Variants in ME1 observed in about 807,000 individuals in gnomAD.
ME1 encodes malic enzyme 1, also known as NADP-dependent malic enzyme.
ME1 carries 74 observed loss-of-function variants against 66.4 expected under a neutral mutation model. The observed-to-expected ratio is 1.11, with a 90% CI of 0.92 to 1.35. The LOEUF is 1.35. Among genes scored for constraint, ME1 ranks in the 40% most tolerant of loss-of-function variants. The pLI is 0.00. For synonymous variants in ME1, 251 were observed against 235.6 expected, an observed-to-expected ratio of 1.07 and a Z score of -0.60; for missense variants, 750 against 694.1, an observed-to-expected ratio of 1.08 and a Z score of -0.90.
chr6:83,265,062 T>C (rs1766964918), intron 6 of ME1, among the ~76,000 whole-genome samples: 1 of 152,102 alleles, frequency 6.6e-6, no homozygotes, highest in African/African-American at 2.4e-5. Flanking sequence ...TTTTCAGAAA[T>C]TACCACCTCA....
intron 11 of ME1, among the ~76,000 whole-genome samples, 181 bp from the exon 12 acceptor site, chr6:83,224,114 G>A (rs1025475974): frequency 6.6e-6 from 1 of 152,116 alleles, no homozygotes; most frequent in Non-Finnish European, 1.5e-5. Context: ...GTTCTGGAAT[G>A]GGTGATTATT....
intron 5 of ME1, 54 bp from the exon 6 acceptor site, chr6:83,315,467 T>C (rs1768014247): frequency 9.7e-7 from 1 of 1,035,792 alleles, no homozygotes; most frequent in Admixed American, 2.1e-5. Context: ...AATCATTTAT[T>C]GAGCCTCAGT....
At chr6:83,418,309 A>G (rs1770200159) in intron 1 of ME1, among the ~76,000 whole-genome samples, 1 of 152,218 alleles carries the variant, frequency 6.6e-6, no homozygotes, top group Admixed American at 6.5e-5. Context: ...GAGACCCAAG[A>G]GAGCCAATGG....
chr6:83,394,591 A>T (rs558065191), intron 3 of ME1, among the ~76,000 whole-genome samples: 1 of 152,342 alleles, frequency 6.6e-6, no homozygotes, highest in Admixed American at 6.5e-5. Context: ...ATATCAATAC[A>T]GCTACATGGA....
intron 6 of ME1, among the ~76,000 whole-genome samples, chr6:83,305,045 A>T (rs554017654): frequency 8.6e-4 from 131 of 152,306 alleles, no homozygotes; most frequent in African/African-American, 3.0e-3. Context: ...TTTCCATATA[A>T]AAATGATGCT....
Position 83,252,035 on chromosome 6 carries a change from G to T in ME1, c.814+1594C>A, listed in dbSNP as rs188377384. Among the ~76,000 whole-genome samples the T allele has an allele frequency of 6.7e-4, 102 of 152,256 alleles. 1 individual carries two copies. The highest frequency in any genetic ancestry group is 2.2e-3 in the African/African-American group (92 of 41,552). On this transcript the variant is annotated intron_variant, in intron 7 of 13. Transcript: ENST00000369705. ...TACTTAGATGATAGCAATTTGCACT[G>T]GGGTGATGAGGAGAAATCTATGAAA...
At chr6:83,313,354 T>A (rs1283175930) in intron 6 of ME1, among the ~76,000 whole-genome samples, 1 of 152,172 alleles carries the variant, frequency 6.6e-6, no homozygotes, top group Non-Finnish European at 1.5e-5. Flanking sequence ...TCAATCCCTG[T>A]TTCCTTACAA....
intron 2 of ME1, among the ~76,000 whole-genome samples, chr6:83,403,326 A>G (rs1275595658): frequency 6.6e-6 from 1 of 152,184 alleles, no homozygotes; most frequent in Non-Finnish European, 1.5e-5. Flanking sequence ...GCTTATGAAC[A>G]ACAGAAATTG....
intron 5 of ME1, among the ~76,000 whole-genome samples, chr6:83,316,236 A>T (rs1318379157): frequency 1.3e-5 from 2 of 152,194 alleles, no homozygotes; most frequent in East Asian, 3.8e-4. Flanking sequence ...AAATTTTTTA[A>T]CTTTACACAG....
intron 1 of ME1, among the ~76,000 whole-genome samples, chr6:83,416,660 A>G (rs3778200): frequency 0.36 from 53,994 of 152,004 alleles, 10,012 homozygotes; most frequent in Middle Eastern, 0.49. Flanking sequence ...AGGCCAAGGC[A>G]GGAGGATCGC....
At chr6:83,305,679 G>A (rs1186029460) in intron 6 of ME1, among the ~76,000 whole-genome samples, 1 of 152,034 alleles carries the variant, frequency 6.6e-6, no homozygotes, top group Non-Finnish European at 1.5e-5. Context: ...GCCATTATAA[G>A]GACTTTGGCT....
At chr6:83,360,416 G>A (rs977747448) in intron 3 of ME1, among the ~76,000 whole-genome samples, 1 of 152,164 alleles carries the variant, frequency 6.6e-6, no homozygotes, top group Admixed American at 6.5e-5. Context: ...GGCTTATGGA[G>A]GTCAGGTAAT....
intron 6 of ME1, among the ~76,000 whole-genome samples, 168 bp from the exon 7 acceptor site, chr6:83,253,906 A>G (rs1178943312): frequency 6.6e-6 from 1 of 152,224 alleles, no homozygotes; most frequent in East Asian, 1.9e-4. Context: ...AAATATTTAC[A>G]TGCTGACTAC....
At chr6:83,411,175 C>A (rs1770042556) in intron 1 of ME1, among the ~76,000 whole-genome samples, 1 of 152,134 alleles carries the variant, frequency 6.6e-6, no homozygotes, top group Non-Finnish European at 1.5e-5. Context: ...ACCAGCCTGG[C>A]CAATATGGTG....
chr6:83,328,592 G>C (rs958995668), intron 5 of ME1, among the ~76,000 whole-genome samples: 1 of 152,036 alleles, frequency 6.6e-6, no homozygotes, highest in Non-Finnish European at 1.5e-5. Context: ...AAAAAAATTA[G>C]TATCTACAAA....
At chr6:83,389,540 C>A (rs1769578637) in intron 3 of ME1, among the ~76,000 whole-genome samples, 1 of 151,858 alleles carries the variant, frequency 6.6e-6, no homozygotes, top group South Asian at 2.1e-4. Flanking sequence ...TGAATAATTG[C>A]CAAATACATG....
At position 83,322,861 on chromosome 6, in the gene ME1, C is replaced by T. The variant is rs577790325; in HGVS notation, c.601-7448G>A. Among the ~76,000 whole-genome samples the T allele has an allele frequency of 2.6e-5, 4 of 152,224 alleles. No individual in the cohort carries two copies. In the East Asian group the frequency reaches 7.7e-4, roughly 29 times the overall value. Reference sequence around the variant, plus strand: ...CCCCAAGATGCATAATCGTCAGATCCACCATCGTTGAAATGAAGAAAAAAA... The same window carrying T: ...CCCCAAGATGCATAATCGTCAGATCTACCATCGTTGAAATGAAGAAAAAAA... On this transcript the variant is annotated intron_variant, in intron 5 of 13. Transcript: ENST00000369705.
intron 7 of ME1, among the ~76,000 whole-genome samples, chr6:83,250,024 T>G (rs1298712446): frequency 1.3e-5 from 2 of 152,200 alleles, no homozygotes; most frequent in Admixed American, 1.3e-4. Flanking sequence ...TGGCCTTGCC[T>G]ATTCCTGAAC....
chr6:83,409,384 A>G (rs979215645), intron 1 of ME1, among the ~76,000 whole-genome samples: 3 of 152,234 alleles, frequency 2.0e-5, no homozygotes, highest in Admixed American at 2.0e-4. Context: ...TTGCAATGAC[A>G]GAATAGTGGC....
Sources: gnomAD v4.1 joint callset for allele counts (sites outside exome capture counted in the v4.1 genomes callset) on GRCh38, gnomAD v4.1.1 for gene constraint, MANE v1.5 for transcripts, NCBI Gene and HGNC (gene_info 2026-07-23, HGNC 2026-07-21) for gene names.